ERC1: variants seen among roughly 807,000 people sequenced by gnomAD.
ERC1 encodes the protein RAB6 interacting protein 2.
ERC1 carries 56 observed loss-of-function variants against 132.0 expected under a neutral mutation model. The ratio of observed to expected loss-of-function variants is 0.42; its 90% CI spans 0.34 to 0.53. ERC1 has a LOEUF of 0.53. Among genes scored for constraint, ERC1 ranks in the 20% least tolerant of loss-of-function variants. The pLI is 0.03. For synonymous variants in ERC1, 478 were observed against 476.1 expected (o/e 1.00, Z -0.05); for missense variants, 1,202 against 1,349.9 (o/e 0.89, Z 1.72).
At chr12:1,473,536 A>G (rs1256749628) in intron 18 of ERC1, among the ~76,000 whole-genome samples, 2 of 151,022 alleles carry the variant, frequency 1.3e-5, no homozygotes, top group African/African-American at 4.9e-5. Flanking sequence ...GGTCTAAGGC[A>G]GGAAGATCAC....
At chr12:1,477,810 G>T (rs927535372) in intron 18 of ERC1, among the ~76,000 whole-genome samples, 2 of 152,142 alleles carry the variant, frequency 1.3e-5, no homozygotes, top group Admixed American at 6.5e-5. Flanking sequence ...AAACACCACA[G>T]ATTAGTTCTG....
intron 11 of ERC1, among the ~76,000 whole-genome samples, chr12:1,185,041 G>T (rs563009336): frequency 6.6e-6 from 1 of 152,288 alleles, no homozygotes; most frequent in East Asian, 1.9e-4. Context: ...CTCCAGAGTA[G>T]CTGGGTTTAT....
chr12:1,412,801 G>A (rs953680357), intron 17 of ERC1, among the ~76,000 whole-genome samples: 1 of 152,174 alleles, frequency 6.6e-6, no homozygotes, highest in African/African-American at 2.4e-5. Flanking sequence ...AGAATGCTTT[G>A]AGCAGTACTG....
chr12:1,173,772 ATTCTTC>A (rs1953353681), intron 8 of ERC1, among the ~76,000 whole-genome samples: 1 of 152,252 alleles, frequency 6.6e-6, no homozygotes, highest in African/African-American at 2.4e-5. Flanking sequence ...GGTAACATTC[ATTCTTC>A]AGCTGGTCAG....
intron 1 of ERC1, among the ~76,000 whole-genome samples, chr12:998,013 C>A (rs1961304756): frequency 6.6e-6 from 1 of 152,194 alleles, no homozygotes; most frequent in Non-Finnish European, 1.5e-5. Flanking sequence ...TAAAATGTCT[C>A]TTCATCTTAA....
Position 1,183,382 on chromosome 12 carries a change from G to T in ERC1, c.2118G>T (p.Lys706Asn). The T allele has an allele frequency of 1.3e-6, 2 of 1,590,838 alleles. No individual in the cohort carries two copies. The highest frequency in any genetic ancestry group is 1.7e-6 in the Non-Finnish European group (2 of 1,164,128). The stretch of plus-strand genomic sequence containing the variant: ...CACTAGAGATTGCTTTGGAGCAGAA[G>T]AAGGAGGAGTGTCTGAAAATGGAAT... ...LKTLEIALEQ[K>N]KEECLKMESQ... Residue 706 changes from lysine (K) to asparagine (N), a missense_variant, in exon 11 of 19, where the codon AAG becomes AAT. Coordinates refer to ENST00000360905, the MANE Select transcript of ERC1 (RefSeq NM_178040.4).
chr12:1,144,093 C>T (rs1038634382), intron 8 of ERC1, among the ~76,000 whole-genome samples: 1 of 152,122 alleles, frequency 6.6e-6, no homozygotes, highest in Admixed American at 6.6e-5. Context: ...CTGTGTACCA[C>T]ACTACATGAT....
intron 1 of ERC1, among the ~76,000 whole-genome samples, chr12:1,008,595 AGCTCTTT>A (rs1964136349): frequency 6.6e-6 from 1 of 152,074 alleles, no homozygotes; most frequent in South Asian, 2.1e-4. Flanking sequence ...TTTTAATACT[AGCTCTTT>A]GAAATCAATT....
chr12:1,226,610 G>A (rs184098677), intron 12 of ERC1, among the ~76,000 whole-genome samples: 13 of 152,186 alleles, frequency 8.5e-5, no homozygotes, highest in African/African-American at 2.2e-4. Context: ...AGAAACCACC[G>A]TTCTACTTTC....
intron 2 of ERC1, among the ~76,000 whole-genome samples, chr12:1,078,920 G>A (rs34348578): frequency 8.9e-6 from 1 of 112,236 alleles, no homozygotes; most frequent in Non-Finnish European, 2.1e-5. Flanking sequence ...GATAAAAGTC[G>A]ATATACAAAG....
chr12:1,289,801 A>T (rs1420424727), intron 14 of ERC1, 51 bp from the exon 15 acceptor site: 1 of 1,519,474 alleles, frequency 6.6e-7, no homozygotes, highest in Admixed American at 1.7e-5. Context: ...AGGTCCTCTG[A>T]CTCTGATTGA....
chr12:1,318,472 C>G (rs1400099743), intron 15 of ERC1, among the ~76,000 whole-genome samples: 1 of 152,210 alleles, frequency 6.6e-6, no homozygotes, highest in Non-Finnish European at 1.5e-5. Context: ...CAAGCTCAAA[C>G]TGTTCGGAGT....
intron 2 of ERC1, among the ~76,000 whole-genome samples, chr12:1,030,459 G>A (rs935742510): frequency 1.3e-5 from 2 of 152,160 alleles, no homozygotes; most frequent in Admixed American, 6.5e-5. Flanking sequence ...GTGGTAGCTC[G>A]CACCTGTACT....
At chr12:1,166,387 C>T (rs899299197) in intron 8 of ERC1, among the ~76,000 whole-genome samples, 2 of 152,148 alleles carry the variant, frequency 1.3e-5, no homozygotes, top group Admixed American at 6.5e-5. Flanking sequence ...TGTGAGGCCT[C>T]CCTATTCATG....
At chr12:1,339,673 G>C (rs543522948) in intron 15 of ERC1, among the ~76,000 whole-genome samples, 7 of 152,212 alleles carry the variant, frequency 4.6e-5, no homozygotes, top group Non-Finnish European at 7.3e-5. Flanking sequence ...TGGGGGGCCA[G>C]AGAGCCCTTG....
intron 1 of ERC1, among the ~76,000 whole-genome samples, chr12:996,631 C>T (rs1174248764): frequency 6.6e-6 from 1 of 152,062 alleles, no homozygotes; most frequent in Non-Finnish European, 1.5e-5. Context: ...ACAAAATAGG[C>T]AACCTGGGAG....
chr12:1,279,170 A>G (rs545428830), intron 14 of ERC1, among the ~76,000 whole-genome samples: 65 of 152,088 alleles, frequency 4.3e-4, no homozygotes, highest in Non-Finnish European at 8.8e-4. Flanking sequence ...CTTTACATAA[A>G]ATTTTTAGAA....
chr12:1,055,642 T>C (rs2154171674), intron 2 of ERC1, among the ~76,000 whole-genome samples: 1 of 152,370 alleles, frequency 6.6e-6, no homozygotes, highest in East Asian at 1.9e-4. Context: ...ATATAGTGTA[T>C]ATATGTATGT....
intron 15 of ERC1, among the ~76,000 whole-genome samples, chr12:1,358,923 C>T (rs1037593047): frequency 2.0e-5 from 3 of 151,858 alleles, no homozygotes; most frequent in Admixed American, 1.3e-4. Flanking sequence ...TCACTTCAAC[C>T]GTTATAGTTT....
Sources: gnomAD v4.1 joint callset for allele counts (sites outside exome capture counted in the v4.1 genomes callset) on GRCh38, gnomAD v4.1.1 for gene constraint, MANE v1.5 for transcripts, NCBI Gene and HGNC (gene_info 2026-07-23, HGNC 2026-07-21) for gene names.